Variants in XKR6 observed in about 807,000 individuals in gnomAD.
XKR6 encodes the protein XK-related protein 6.
Under a neutral mutation model 56.7 loss-of-function variants are expected in XKR6, and 22 were observed. The ratio of observed to expected loss-of-function variants is 0.39; its 90% confidence interval spans 0.28 to 0.55. The LOEUF (loss-of-function observed/expected upper bound fraction) is 0.55. Among genes scored for constraint, XKR6 ranks in the 20% least tolerant of loss-of-function variants. The probability of loss-of-function intolerance (pLI) is 0.66; values close to 1 mark genes in which losing one functional copy is unlikely to be tolerated. For missense variants in XKR6, 852 were observed against 889.0 expected, an observed-to-expected ratio of 0.96 and a Z score of 0.53; for synonymous variants, 524 against 387.8, an observed-to-expected ratio of 1.35 and a Z score of -4.13.
chr8:10,929,136 C>G (rs534340611), intron 1 of XKR6, among the ~76,000 whole-genome samples: 3 of 152,190 alleles, frequency 2.0e-5, no homozygotes, highest in Non-Finnish European at 4.4e-5. Context: ...ATAACTTTGT[C>G]TTTCTTCAGG....
At chr8:11,087,528 G>A (rs962394109) in intron 1 of XKR6, among the ~76,000 whole-genome samples, 4 of 152,216 alleles carry the variant, frequency 2.6e-5, no homozygotes, top group African/African-American at 4.8e-5. Flanking sequence ...CTTTCTTAAA[G>A]AGAGATATAG....
At chr8:11,010,335 G>A (rs1300957928) in intron 1 of XKR6, among the ~76,000 whole-genome samples, 1 of 152,140 alleles carries the variant, frequency 6.6e-6, no homozygotes, top group African/African-American at 2.4e-5. Context: ...AATTGGGCAG[G>A]AACACAAATC....
intron 1 of XKR6, among the ~76,000 whole-genome samples, chr8:11,084,010 G>T (rs916319475): frequency 2.6e-5 from 4 of 152,174 alleles, no homozygotes; most frequent in Non-Finnish European, 5.9e-5. Context: ...GAGAAAAAGG[G>T]ATCCTAAATG....
At chr8:11,035,299 A>C (rs749460752) in intron 1 of XKR6, 8 of 534,696 alleles carry the variant, frequency 1.5e-5, no homozygotes, top group Non-Finnish European at 3.1e-5. Context: ...CAGCATCATC[A>C]AGCCATCTTC....
chr8:11,201,235 C>T lies in XKR6; in HGVS notation c.105G>A (p.Gly35=), dbSNP rs751794662. The T allele has an allele frequency of 1.0e-5, 16 of 1,554,188 alleles. No individual in the cohort carries two copies. Among genetic ancestry groups the T allele is most frequent in the African/African-American group, 8.2e-5 (6 of 72,904 alleles). ...GSGGEEDGEP[G]GGGCGGGGDG... is the part of the protein sequence containing the mutation. ...CGCCGCCGCCGCCGCAGCCGCCTCC[C>T]CCGGGCTCCCCGTCCTCCTCGCCGC... is the stretch of plus-strand genomic sequence containing the variant. Residue 35 remains glycine, a synonymous_variant, in exon 1 of 3, where the codon GGG becomes GGA. Coordinates refer to ENST00000416569, the MANE Select transcript of XKR6 (RefSeq NM_173683.4).
At chr8:11,173,364 T>C (rs1009810024) in intron 1 of XKR6, among the ~76,000 whole-genome samples, 56 of 142,498 alleles carry the variant, frequency 3.9e-4, no homozygotes, top group South Asian at 1.5e-3. Flanking sequence ...TATATATATA[T>C]ATACACACAC....
chr8:11,048,634 T>C (rs1007579509), intron 1 of XKR6, among the ~76,000 whole-genome samples: 5 of 152,162 alleles, frequency 3.3e-5, no homozygotes, highest in Non-Finnish European at 7.4e-5. Context: ...GGAGAAGAGC[T>C]AGCCCAGGGG....
chr8:11,087,530 G>C (rs973702896), intron 1 of XKR6, among the ~76,000 whole-genome samples: 1 of 152,194 alleles, frequency 6.6e-6, no homozygotes, highest in Non-Finnish European at 1.5e-5. Flanking sequence ...TTCTTAAAGA[G>C]AGATATAGGA....
intron 1 of XKR6, among the ~76,000 whole-genome samples, chr8:11,045,132 G>A (rs910575683): frequency 8.3e-6 from 1 of 120,760 alleles, no homozygotes; most frequent in African/African-American, 3.1e-5. Flanking sequence ...TGTCGCCCAG[G>A]CCGGAGTGCA....
rs527641605 is a variant in XKR6, at chr8:10,967,435, C to G, written c.765-42605G>C. 9.2e-5 allele frequency among the ~76,000 whole-genome samples: 14 copies of G among 152,284 alleles called. No homozygotes were observed. The South Asian group carries it at 1.2e-3, about 14-fold the overall frequency. On this transcript the variant is annotated intron_variant, in intron 1 of 2. Coordinates refer to ENST00000416569, the MANE Select transcript of XKR6 (RefSeq NM_173683.4). The stretch of plus-strand genomic sequence containing the variant: ...GGTCTGATGTTTCTTGGGGGCTATG[C>G]CAGGAGGTGGGAGCTGGAAAGGCTG...
chr8:11,124,968 A>G (rs1799690025), intron 1 of XKR6, among the ~76,000 whole-genome samples: 2 of 151,142 alleles, frequency 1.3e-5, no homozygotes, highest in African/African-American at 2.4e-5. Flanking sequence ...AGATGCCTGT[A>G]GTCCCAGCTA....
intron 1 of XKR6, among the ~76,000 whole-genome samples, chr8:11,117,057 G>A (rs542263268): frequency 4.6e-5 from 7 of 152,306 alleles, no homozygotes; most frequent in African/African-American, 1.7e-4. Flanking sequence ...TAGTGAGTTA[G>A]TTACAAATTT....
At chr8:10,942,720 G>A (rs1032274196) in intron 1 of XKR6, among the ~76,000 whole-genome samples, 1 of 152,198 alleles carries the variant, frequency 6.6e-6, no homozygotes, top group Admixed American at 6.5e-5. Flanking sequence ...CAAAGCACTC[G>A]CGAGCTCACT....
chr8:11,154,240 G>A (rs967536062), intron 1 of XKR6, among the ~76,000 whole-genome samples: 1 of 152,170 alleles, frequency 6.6e-6, no homozygotes, highest in African/African-American at 2.4e-5. Flanking sequence ...ACATGGTGAC[G>A]GAGTTCAACT....
At position 11,033,804 on chromosome 8, in the gene XKR6, T is replaced by TGGA. The variant is rs1563358341; in HGVS notation, c.765-108975_765-108974insTCC. 4.6e-5 allele frequency among the ~76,000 whole-genome samples: 7 copies of TGGA among 152,272 alleles called. No homozygotes were observed. The East Asian group carries it at 1.4e-3, about 29-fold the overall frequency. On this transcript the variant is annotated intron_variant, in intron 1 of 2. Coordinates refer to ENST00000416569, the MANE Select transcript of XKR6 (RefSeq NM_173683.4). ...TCCACTCGTATCTTCAGATTATGAC[T>TGGA]CCTAGGGGTCCAGAAATACACATTT...
At chr8:11,086,172 T>A (rs1164009915) in intron 1 of XKR6, among the ~76,000 whole-genome samples, 2 of 147,312 alleles carry the variant, frequency 1.4e-5, no homozygotes, top group South Asian at 2.1e-4. Context: ...AAAACAAGCA[T>A]AATTCATAAT....
intron 1 of XKR6, among the ~76,000 whole-genome samples, chr8:11,110,126 C>G (rs563028690): frequency 1.3e-5 from 2 of 152,218 alleles, no homozygotes; most frequent in East Asian, 3.9e-4. Context: ...GTGCCCGCCA[C>G]CACATCCGGC....
rs144289448 is a variant in XKR6 at position 11,192,890 on chromosome 8, T to G, written c.764+7686A>C. 2.4e-3 allele frequency among the ~76,000 whole-genome samples: 372 copies of G among 152,292 alleles called. 1 individual carries two copies. The highest frequency in any genetic ancestry group is 3.9e-3 in the Non-Finnish European group (262 of 68,016). On this transcript the variant is annotated intron_variant, in intron 1 of 2. Coordinates refer to ENST00000416569, the MANE Select transcript of XKR6 (RefSeq NM_173683.4). ...CAGGCACCTGCCCTCTGGAGGGGCCTGAGTTCTAGATTGCCCTGCCTGCTC... is the reference window on the plus strand; with the variant it reads ...CAGGCACCTGCCCTCTGGAGGGGCCGGAGTTCTAGATTGCCCTGCCTGCTC...
intron 1 of XKR6, among the ~76,000 whole-genome samples, chr8:11,008,016 A>T (rs1798411135): frequency 6.6e-6 from 1 of 152,176 alleles, no homozygotes; most frequent in East Asian, 1.9e-4. Context: ...AAGACAGGGA[A>T]GCAGGCGTTT....
Sources: allele counts gnomAD v4.1 joint callset (sites outside exome capture counted in the v4.1 genomes callset), GRCh38; gene constraint gnomAD v4.1.1; transcripts MANE v1.5; gene names NCBI Gene and HGNC (gene_info 2026-07-23, HGNC 2026-07-21).